The following IGFBP5 variants were observed in gnomAD, a reference collection of about 807,000 sequenced individuals.
The protein encoded by IGFBP5 is insulin like growth factor binding protein 5.
IGFBP5 carries 12 observed loss-of-function variants against 28.0 expected under a neutral mutation model. That is an observed-to-expected ratio of 0.43 (90% CI 0.27 to 0.69). The LOEUF is 0.69. Among genes scored for constraint, IGFBP5 ranks in the 30% least tolerant of loss-of-function variants. IGFBP5 has a pLI of 0.20. For synonymous variants in IGFBP5, 152 were observed against 150.2 expected, an observed-to-expected ratio of 1.01 and a Z score of -0.09; for missense variants, 344 against 381.6, an observed-to-expected ratio of 0.90 and a Z score of 0.82.
chr2:216,678,876 G>A lies in IGFBP5; in HGVS notation c.541C>T (p.Pro181Ser), dbSNP rs1169687133. The A allele has an allele frequency of 1.9e-6, 3 of 1,613,718 alleles. No homozygotes were observed. Among genetic ancestry groups the A allele is most frequent in the East Asian group, 2.2e-5 (1 of 44,880 alleles). ...NTAHPRIISA[P>S]EMRQESEQGP... ...TGCTCAGACTCCTGTCTCATCTCAGGTGCAGAGATGATCCGGGGGTGGGCA... is the reference window on the plus strand; with the variant it reads ...TGCTCAGACTCCTGTCTCATCTCAGATGCAGAGATGATCCGGGGGTGGGCA... Residue 181 changes from proline to serine, a missense_variant, in exon 2 of 4, where the codon CCT becomes TCT. Pro to Ser is a moderately conservative substitution (Grantham distance 74). This residue lies in a region of IGFBP5 where 304 missense variants were observed against 329.2 expected (regional missense o/e 0.92). Coordinates refer to ENST00000233813, the MANE Select transcript of IGFBP5 (RefSeq NM_000599.4).
chr2:216,678,007 A>C, intron 3 of IGFBP5, 105 bp downstream of exon 3: 1 of 1,090,988 alleles, frequency 9.2e-7, no homozygotes, highest in Non-Finnish European at 1.2e-6. Context: ...AGGAAACACT[A>C]AGTGGTTAAC....
intron 1 of IGFBP5, among the ~76,000 whole-genome samples, chr2:216,687,772 A>G (rs1026268717): frequency 5.9e-5 from 9 of 151,936 alleles, no homozygotes; most frequent in African/African-American, 1.9e-4. Flanking sequence ...CTTTCCCATC[A>G]TGACCCATCA....
chr2:216,681,906 G>A (rs144673257), intron 1 of IGFBP5, among the ~76,000 whole-genome samples: 24 of 152,234 alleles, frequency 1.6e-4, no homozygotes, highest in African/African-American at 4.8e-4. Flanking sequence ...TGTTGACAAC[G>A]GTTTGATAAA....
chr2:216,694,491 GT>G lies in IGFBP5; in HGVS notation c.284del (p.His95ProfsTer53). 1 of 1,589,902 alleles carries G rather than the reference GT, an allele frequency of 6.3e-7. No homozygotes were observed. Among genetic ancestry groups the G allele is most frequent in the Non-Finnish European group, 8.5e-7 (1 of 1,171,630 alleles). Reference protein sequence around the residue: ...DEEKPLHALLHGRGVCLNEKS... With the variant: ...DEEKPLHALLXGRGVCLNEKS... ...TTTCGTTGAGGCAAACCCCGCGGCCGTGCAGCAGGGCGTGCAGCGGCTTCTC... is the reference window on the plus strand; with the variant it reads ...TTTCGTTGAGGCAAACCCCGCGGCCGGCAGCAGGGCGTGCAGCGGCTTCTC... On this transcript the variant is annotated frameshift_variant, in exon 1 of 4. Transcript: ENST00000233813. LOFTEE classifies it high-confidence loss of function. The surrounding 1 kb of genome is among the most constrained non-coding windows in gnomAD (Gnocchi z 5.2).
intron 1 of IGFBP5, among the ~76,000 whole-genome samples, chr2:216,686,388 G>A (rs776039720): frequency 6.6e-6 from 1 of 152,188 alleles, no homozygotes; most frequent in Non-Finnish European, 1.5e-5. Flanking sequence ...GGAGGAAGAT[G>A]AAGCTGTTGA....
At position 216,673,853 on chromosome 2, in the gene IGFBP5, G is replaced by A. The variant is rs957184415; in HGVS notation, c.*2898C>T. ...CCATTTGGGAGGCTTAGTTCCATGT[G>A]TCCATGAAGGCCCAGCTTCTCTGGG... On this transcript the variant is annotated 3_prime_UTR_variant, in exon 4 of 4. Coordinates refer to ENST00000233813, the MANE Select transcript of IGFBP5 (RefSeq NM_000599.4). This position sits in a 1 kb window ranked among gnomAD's most constrained non-coding sequence, Gnocchi z 4.3. 3.9e-5 allele frequency: 6 copies of A among 152,420 alleles called. No individual in the cohort carries two copies. The highest frequency in any genetic ancestry group is 2.6e-4 in the Admixed American group (4 of 15,284). The allele number at this position is 152,420 out of a possible 1,614,324, so 9.4% of individuals were successfully genotyped here.
chr2:216,678,304 A>C, intron 2 of IGFBP5, 73 bp from the exon 3 acceptor site: 1 of 1,414,456 alleles, frequency 7.1e-7, no homozygotes, highest in Admixed American at 2.5e-5. Flanking sequence ...CGAATGGCCC[A>C]GGGGGTGGGG....
chr2:216,678,345 C>A, intron 2 of IGFBP5, 114 bp from the exon 3 acceptor site: 1 of 1,137,658 alleles, frequency 8.8e-7, no homozygotes. Context: ...AAGTCACCAC[C>A]TTTGGTTCTA....
rs1688859572 is a variant in IGFBP5, at chr2:216,673,398, G to A, written c.*3353C>T. 6.6e-6 allele frequency: 1 copy of A among 152,428 alleles called. No homozygotes were observed. The highest frequency in any genetic ancestry group is 2.4e-5 in the African/African-American group (1 of 41,458). The allele number at this position is 152,428 out of a possible 1,614,324, so 9.4% of individuals were successfully genotyped here. On this transcript the variant is annotated 3_prime_UTR_variant, in exon 4 of 4. Coordinates refer to ENST00000233813, the MANE Select transcript of IGFBP5 (RefSeq NM_000599.4). This position sits in a 1 kb window ranked among gnomAD's most constrained non-coding sequence, Gnocchi z 4.3. ...GTCTAGGCCTGGCTGTCAAAGAAAG[G>A]TTCCAGTCTCTTCCTCCCCATGTGC...
At position 216,673,229 on chromosome 2, in the gene IGFBP5, G is replaced by C. The variant is rs944484602; in HGVS notation, c.*3522C>G. 5 of 152,622 alleles carry C rather than the reference G, an allele frequency of 3.3e-5. No homozygotes were observed. Among genetic ancestry groups the C allele is most frequent in the Admixed American group, 2.0e-4 (3 of 15,310 alleles). The allele number at this position is 152,622 out of a possible 1,614,324, so 9.5% of individuals were successfully genotyped here. A position where few individuals can be genotyped will look rare whatever the true frequency, so the allele number is the denominator to read the frequency against. On this transcript the variant is annotated 3_prime_UTR_variant, in exon 4 of 4. Coordinates refer to ENST00000233813, the MANE Select transcript of IGFBP5 (RefSeq NM_000599.4). This position sits in a 1 kb window ranked among gnomAD's most constrained non-coding sequence, Gnocchi z 4.3. ...GAGGCCCACCCTCTAGGGGAGGCCA[G>C]CCCTGTGGGGGTACCATGGAGGCCA...
chr2:216,676,420 C>G lies in IGFBP5; in HGVS notation c.*331G>C, dbSNP rs1688898058. The G allele has an allele frequency of 5.6e-6, 1 of 179,406 alleles. No individual in the cohort carries two copies. Among genetic ancestry groups the G allele is most frequent in the Non-Finnish European group, 1.2e-5 (1 of 85,652 alleles). The allele number at this position is 179,406 out of a possible 1,614,324, so 11.1% of individuals were successfully genotyped here. A position where few individuals can be genotyped will look rare whatever the true frequency, so the allele number is the denominator to read the frequency against. On this transcript the variant is annotated 3_prime_UTR_variant, in exon 4 of 4. Transcript: ENST00000233813. ...TTGTCTTCCTTTTCCTAACTCTATT[C>G]GTCTTTCTCTCTCTTCTACACAAAC...
chr2:216,691,063 T>C (rs987628734), intron 1 of IGFBP5, among the ~76,000 whole-genome samples: 5 of 152,166 alleles, frequency 3.3e-5, no homozygotes, highest in Admixed American at 6.5e-5. Context: ...CAGTTTTCCA[T>C]GATCTTGCTC....
intron 1 of IGFBP5, among the ~76,000 whole-genome samples, chr2:216,688,317 G>T (rs1689054629): frequency 6.6e-6 from 1 of 152,022 alleles, no homozygotes; most frequent in Admixed American, 6.6e-5. Context: ...AGCTGTAAGT[G>T]TAAAAAACAC....
chr2:216,681,762 A>G (rs1688980152), intron 1 of IGFBP5, among the ~76,000 whole-genome samples: 1 of 151,944 alleles, frequency 6.6e-6, no homozygotes, highest in Admixed American at 6.6e-5. Flanking sequence ...GCCTTGGGGG[A>G]CACAGAAGCA....
At chr2:216,677,108 C>CTT (rs376983056) in intron 3 of IGFBP5, among the ~76,000 whole-genome samples, 5 of 144,902 alleles carry the variant, frequency 3.5e-5, no homozygotes, top group African/African-American at 7.6e-5. Context: ...CCTTTCTTTC[C>CTT]TTTTTTTTTT....
At position 216,694,159 on chromosome 2, in the gene IGFBP5, G is replaced by C. The variant is rs1689137756; in HGVS notation, c.337+280C>G. ...ATTTGGACCTTGTGACCGAATAAGA[G>C]CTCAGAATCAGTATTCGGACAGAGT... On this transcript the variant is annotated intron_variant, in intron 1 of 3. Coordinates refer to ENST00000233813, the MANE Select transcript of IGFBP5 (RefSeq NM_000599.4). The surrounding 1 kb of genome is among the most constrained non-coding windows in gnomAD (Gnocchi z 5.2). Among the ~76,000 whole-genome samples the C allele has an allele frequency of 6.6e-6, 1 of 151,684 alleles. No individual in the cohort carries two copies.
At chr2:216,677,019 TTC>T (rs1242236183) in intron 3 of IGFBP5, 137 bp from the exon 4 acceptor site, 1 of 873,294 alleles carries the variant, frequency 1.1e-6, no homozygotes, top group Non-Finnish European at 1.7e-6. Flanking sequence ...ACCCTTGGGT[TTC>T]TGGTGTCCCC....
In IGFBP5 at chr2:216,678,115, CT is replaced by C; in HGVS notation, c.683del (p.Lys228SerfsTer22). Reference sequence around the variant, plus strand: ...GAGCTCAGGGCAGGGGACGTACCTGCTTTCTCTTGTAGAATCCTTTGCGGTC... The same window carrying C: ...GAGCTCAGGGCAGGGGACGTACCTGCTTCTCTTGTAGAATCCTTTGCGGTC... ...NCDRKGFYKR[K>X]QCKPSRGRKR... On this transcript the variant is annotated frameshift_variant, in exon 3 of 4. Transcript: ENST00000233813. LOFTEE classifies it high-confidence loss of function. The C allele has an allele frequency of 6.6e-7, 1 of 1,520,908 alleles. No individual in the cohort carries two copies. The highest frequency in any genetic ancestry group is 8.9e-7 in the Non-Finnish European group (1 of 1,125,030). 94.2% of individuals were successfully genotyped at this position (1,520,908 alleles called of 1,614,324 possible).
Position 216,679,857 on chromosome 2 carries a change from G to A in IGFBP5, c.338-778C>T, listed in dbSNP as rs1688949285. ...GACGTTACTCAGCTCTGGACTGAGA[G>A]AGGCCGACAGCTGGCTGAGACCGGG... On this transcript the variant is annotated intron_variant, in intron 1 of 3. Coordinates refer to ENST00000233813, the MANE Select transcript of IGFBP5 (RefSeq NM_000599.4). This position sits in a 1 kb window ranked among gnomAD's most constrained non-coding sequence, Gnocchi z 4.6. 6.6e-6 allele frequency among the ~76,000 whole-genome samples: 1 copy of A among 152,228 alleles called. No individual in the cohort carries two copies. The highest frequency in any genetic ancestry group is 6.5e-5 in the Admixed American group (1 of 15,288).
Sources: gnomAD v4.1 joint callset for allele counts (sites outside exome capture counted in the v4.1 genomes callset) on GRCh38, gnomAD v4.1.1 for gene constraint, gnomAD v4.1.1 regional missense constraint, Gnocchi (gnomAD v3.1) non-coding constraint, MANE v1.5 for transcripts, NCBI Gene and HGNC (gene_info 2026-07-23, HGNC 2026-07-21) for gene names.